The following CAPS2 variants were observed in gnomAD, a reference collection of about 807,000 sequenced individuals.
CAPS2 encodes the protein calcyphosin-2.
CAPS2 carries 98 observed loss-of-function variants against 86.5 expected under a neutral mutation model. The ratio of observed to expected loss-of-function variants is 1.13; its 90% confidence interval spans 0.96 to 1.34. The LOEUF (loss-of-function observed/expected upper bound fraction) is 1.34, where lower values mean the gene tolerates loss of function less well. CAPS2 is among the 40% of genes most tolerant of loss of function. The pLI, the probability that CAPS2 is intolerant of heterozygous loss-of-function variation, is 0.00. For synonymous variants in CAPS2, 210 were observed against 225.1 expected, an observed-to-expected ratio of 0.93 and a Z score of 0.60; for missense variants, 729 against 686.8, an observed-to-expected ratio of 1.06 and a Z score of -0.69.
chr12:75,283,973 C>CTATGAGACAA (rs1160413099), intron 15 of CAPS2, among the ~76,000 whole-genome samples: 3 of 152,174 alleles, frequency 2.0e-5, no homozygotes, highest in Admixed American at 6.6e-5. Flanking sequence ...ACCTCCAGAG[C>CTATGAGACAA]TATGAGACAA....
At chr12:75,281,223 T>C (rs2033886549) in intron 16 of CAPS2, among the ~76,000 whole-genome samples, 1 of 151,888 alleles carries the variant, frequency 6.6e-6, no homozygotes, top group African/African-American at 2.4e-5. Context: ...AAGTATCACT[T>C]AAAATTTTAA....
chr12:75,348,929 TGA>T, intron 1 of CAPS2, among the ~76,000 whole-genome samples: 1 of 152,180 alleles, frequency 6.6e-6, no homozygotes, highest in East Asian at 1.9e-4. Context: ...CCTGTCTCAG[TGA>T]GAGTGTTCAG....
chr12:75,386,394 G>A (rs188295180), intron 1 of CAPS2, among the ~76,000 whole-genome samples: 17 of 152,304 alleles, frequency 1.1e-4, no homozygotes, highest in Admixed American at 9.8e-4. Context: ...GCTTGCATCT[G>A]GTGAGGGCCT....
intron 1 of CAPS2, among the ~76,000 whole-genome samples, chr12:75,354,897 T>C (rs955504107): frequency 5.3e-5 from 8 of 152,108 alleles, no homozygotes; most frequent in African/African-American, 1.7e-4. Context: ...CCCTATTTAA[T>C]AGATGGTGCT....
At chr12:75,321,200 T>A (rs1179950129) in intron 5 of CAPS2, among the ~76,000 whole-genome samples, 200 bp downstream of exon 5, 1 of 152,086 alleles carries the variant, frequency 6.6e-6, no homozygotes, top group Admixed American at 6.6e-5. Flanking sequence ...ATGATGACAA[T>A]AACCCTTTAA....
At chr12:75,278,651 G>C in exon 17 of CAPS2, 1 of 1,181,074 alleles carries the variant, frequency 8.5e-7, no homozygotes, top group Non-Finnish European at 1.0e-6. Context: ...CAAATGTAAG[G>C]ACATGTGAAC....
upstream of CAPS2, chr12:75,334,609 G>C (rs2041578579): frequency 6.7e-7 from 1 of 1,489,948 alleles, no homozygotes; most frequent in Non-Finnish European, 8.9e-7. Flanking sequence ...CTGGGCTCGA[G>C]CCTGTGCGGC....
At chr12:75,335,159 T>C (rs111377788) in intron 1 of CAPS2, among the ~76,000 whole-genome samples, 1,633 of 152,312 alleles carry the variant, frequency 0.011, 20 homozygotes, top group African/African-American at 0.032. Context: ...AGTTGCTTTG[T>C]TGCACCACTA....
chr12:75,320,404 T>C (rs11830723), intron 5 of CAPS2, among the ~76,000 whole-genome samples: 53 of 152,238 alleles, frequency 3.5e-4, no homozygotes, highest in African/African-American at 1.1e-3. Flanking sequence ...CAATACATGG[T>C]GAGATGCTAA....
At chr12:75,312,629 GAAA>G (rs757071805) in intron 7 of CAPS2, among the ~76,000 whole-genome samples, 34 of 151,996 alleles carry the variant, frequency 2.2e-4, no homozygotes, top group Non-Finnish European at 1.3e-4. Flanking sequence ...GTTGTTTAGA[GAAA>G]AATATTTAAC....
intron 1 of CAPS2, among the ~76,000 whole-genome samples, chr12:75,352,870 T>A (rs1431367001): frequency 1.3e-5 from 2 of 152,162 alleles, no homozygotes; most frequent in Non-Finnish European, 2.9e-5. Context: ...TACATGGAAA[T>A]TGAGCAACCT....
chr12:75,337,743 C>T (rs4486667), intron 1 of CAPS2, among the ~76,000 whole-genome samples: 137,767 of 152,044 alleles, frequency 0.91, 62,487 homozygotes, highest in East Asian at 1. Flanking sequence ...TACTATGTGT[C>T]TTATAAAGTA....
At chr12:75,284,886 T>TAC in intron 15 of CAPS2, 75 bp downstream of exon 15, 5 of 1,306,478 alleles carry the variant, frequency 3.8e-6, no homozygotes, top group Non-Finnish European at 5.2e-6. Flanking sequence ...AAATGGTAAT[T>TAC]CATTAAAGTT....
intron 1 of CAPS2, chr12:75,390,700 T>C (rs2045545446): frequency 2.3e-6 from 1 of 437,434 alleles, no homozygotes; most frequent in Non-Finnish European, 4.8e-6. Flanking sequence ...AATTAGAAGG[T>C]TCCTCAGACC....
chr12:75,354,924 C>T (rs942667570), intron 1 of CAPS2, among the ~76,000 whole-genome samples: 1 of 152,154 alleles, frequency 6.6e-6, no homozygotes, highest in African/African-American at 2.4e-5. Flanking sequence ...ACAGGCTAGC[C>T]ATATGCAGAG....
intron 1 of CAPS2, chr12:75,343,970 T>C (rs2042286329): frequency 1.3e-6 from 2 of 1,529,100 alleles, no homozygotes; most frequent in South Asian, 1.2e-5. Context: ...TGATTAGTTC[T>C]TATTTGTGCA....
At chr12:75,374,672 A>C (rs76054078) in intron 1 of CAPS2, among the ~76,000 whole-genome samples, 1 of 152,258 alleles carries the variant, frequency 6.6e-6, no homozygotes, top group Non-Finnish European at 1.5e-5. Context: ...AGATTATGAC[A>C]TAAAGCTGGA....
intron 1 of CAPS2, among the ~76,000 whole-genome samples, chr12:75,353,037 A>G (rs914087674): frequency 1.3e-5 from 2 of 152,208 alleles, no homozygotes; most frequent in African/African-American, 4.8e-5. Context: ...CTCACATCAA[A>G]AAGCTAGAAA....
At chr12:75,368,316 T>C (rs1156570868) in intron 1 of CAPS2, among the ~76,000 whole-genome samples, 2 of 151,786 alleles carry the variant, frequency 1.3e-5, no homozygotes, top group Non-Finnish European at 2.9e-5. Flanking sequence ...TCCTGCATTT[T>C]TCATTATTTT....
Sources: gnomAD v4.1 joint callset for allele counts (sites outside exome capture counted in the v4.1 genomes callset) on GRCh38, gnomAD v4.1.1 for gene constraint, MANE v1.5 for transcripts, NCBI Gene and HGNC (gene_info 2026-07-23, HGNC 2026-07-21) for gene names.